The following FMN1 variants were observed in gnomAD, a reference collection of about 807,000 sequenced individuals.
FMN1 encodes formin 1, also known as formin-1.
In FMN1, 110 loss-of-function variants were observed where a neutral mutation model predicts 132.4. The observed-to-expected ratio is 0.83, with a 90% CI of 0.71 to 0.97. FMN1 has a LOEUF of 0.97. FMN1 is among the 50% of genes least tolerant of loss of function. FMN1 has a pLI of 0.00. For missense variants in FMN1, 1,792 were observed against 1,705.3 expected, an observed-to-expected ratio of 1.05 and a Z score of -0.90; for synonymous variants, 722 against 651.7, an observed-to-expected ratio of 1.11 and a Z score of -1.64.
At chr15:33,081,937 C>G (rs2038477481) in intron 5 of FMN1, among the ~76,000 whole-genome samples, 1 of 151,930 alleles carries the variant, frequency 6.6e-6, no homozygotes, top group East Asian at 1.9e-4. Flanking sequence ...TAAGCTAATT[C>G]AGTAAAAAGT....
At chr15:32,855,414 G>C (rs1050684103) in intron 17 of FMN1, among the ~76,000 whole-genome samples, 2 of 152,086 alleles carry the variant, frequency 1.3e-5, no homozygotes. Context: ...TCTCTGAATA[G>C]ACCAGAATTG....
In FMN1 at chr15:33,073,732, GT is replaced by G. The variant is rs763275526; in HGVS notation, c.2044-8659del. 3.2e-3 allele frequency among the ~76,000 whole-genome samples: 354 copies of G among 109,814 alleles called. 1 individual carries two copies. Among genetic ancestry groups the G allele is most frequent in the African/African-American group, 4.6e-3 (145 of 31,650 alleles). 72.0% of individuals were successfully genotyped at this position (109,814 alleles called of 152,430 possible). A position where few individuals can be genotyped will look rare whatever the true frequency, so the allele number is the denominator to read the frequency against. On this transcript the variant is annotated intron_variant, in intron 5 of 20. Coordinates refer to ENST00000616417, the MANE Select transcript of FMN1 (RefSeq NM_001277313.2). ...GAAATAGTAGAAATTTACCTAGCTT[GT>G]TTTTTTTTTTTTTTTGAGACAGGGT...
intron 19 of FMN1, among the ~76,000 whole-genome samples, chr15:32,795,211 T>C (rs111553052): frequency 5.9e-4 from 90 of 152,140 alleles, no homozygotes; most frequent in African/African-American, 2.1e-3. Flanking sequence ...AGGCCAACAT[T>C]AGTATTTTAT....
intron 9 of FMN1, among the ~76,000 whole-genome samples, chr15:32,931,360 T>A (rs918509207): frequency 2.0e-5 from 3 of 152,198 alleles, no homozygotes; most frequent in East Asian, 1.9e-4. Context: ...TCTTCCTAAA[T>A]TTTTTTAAGC....
chr15:33,005,954 GTGAAAT>G (rs1021836007), intron 7 of FMN1, among the ~76,000 whole-genome samples: 36 of 152,124 alleles, frequency 2.4e-4, no homozygotes, highest in African/African-American at 8.7e-4. Context: ...TTGTTTCTTT[GTGAAAT>G]TGACTCATTT....
intron 4 of FMN1, among the ~76,000 whole-genome samples, chr15:33,108,242 A>T (rs931716031): frequency 3.3e-5 from 5 of 152,040 alleles, no homozygotes; most frequent in Admixed American, 3.3e-4. Flanking sequence ...AACTAGAAAA[A>T]AGAAAAGATA....
chr15:32,967,120 T>C (rs1457243164), intron 8 of FMN1, among the ~76,000 whole-genome samples: 1 of 152,228 alleles, frequency 6.6e-6, no homozygotes, highest in East Asian at 1.9e-4. Flanking sequence ...GCCCTAGATT[T>C]ATGATGAAAC....
At chr15:32,867,228 C>T (rs976799076) in intron 16 of FMN1, among the ~76,000 whole-genome samples, 7 of 152,180 alleles carry the variant, frequency 4.6e-5, no homozygotes, top group Non-Finnish European at 1.5e-5. Context: ...TCTCATTATG[C>T]CAGTCCCCTG....
chr15:33,006,704 T>C (rs1388323621), intron 7 of FMN1, among the ~76,000 whole-genome samples: 2 of 152,106 alleles, frequency 1.3e-5, no homozygotes, highest in Non-Finnish European at 2.9e-5. Context: ...AATACTCTAG[T>C]CTTTAAAAAG....
chr15:32,882,516 T>C (rs527371732), intron 16 of FMN1, among the ~76,000 whole-genome samples: 1 of 152,324 alleles, frequency 6.6e-6, no homozygotes, highest in African/African-American at 2.4e-5. Context: ...CTGTCTACAC[T>C]GGTAGGGAGG....
chr15:32,954,082 C>T (rs1308667620), intron 9 of FMN1, among the ~76,000 whole-genome samples: 1 of 152,196 alleles, frequency 6.6e-6, no homozygotes, highest in Non-Finnish European at 1.5e-5. Context: ...ACAACAACTA[C>T]AACAACTAAT....
At chr15:32,893,421 G>A (rs1489779595) in intron 15 of FMN1, among the ~76,000 whole-genome samples, 1 of 152,262 alleles carries the variant, frequency 6.6e-6, no homozygotes, top group Non-Finnish European at 1.5e-5. Context: ...AAATGTTGCT[G>A]AGTGTATCAG....
intron 4 of FMN1, among the ~76,000 whole-genome samples, chr15:33,141,583 G>A (rs1964012461): frequency 2.0e-5 from 3 of 152,278 alleles, no homozygotes. Flanking sequence ...ATGCAATTTT[G>A]ACAGAGGCCT....
intron 16 of FMN1, among the ~76,000 whole-genome samples, chr15:32,861,199 T>C (rs912045731): frequency 1.1e-4 from 17 of 152,258 alleles, no homozygotes; most frequent in African/African-American, 4.1e-4. Context: ...AATTTACTAA[T>C]AGGATATAAT....
intron 10 of FMN1, among the ~76,000 whole-genome samples, chr15:32,920,692 T>C (rs1239731926): frequency 3.9e-5 from 6 of 152,222 alleles, no homozygotes; most frequent in Non-Finnish European, 8.8e-5. Context: ...CGTCTGCACC[T>C]GTGTTTTCAG....
intron 4 of FMN1, among the ~76,000 whole-genome samples, chr15:33,095,657 G>C (rs1027970573): frequency 3.3e-5 from 5 of 152,022 alleles, no homozygotes; most frequent in Non-Finnish European, 7.4e-5. Flanking sequence ...ACAGGCATAA[G>C]TCATTGTGCC....
intron 17 of FMN1, among the ~76,000 whole-genome samples, chr15:32,856,120 T>C (rs570317863): frequency 2.8e-4 from 42 of 152,330 alleles, no homozygotes; most frequent in African/African-American, 1.0e-3. Context: ...ATTCTCAAGC[T>C]GGTTTGGCCA....
chr15:32,859,319 G>T (rs1185395531), intron 16 of FMN1, among the ~76,000 whole-genome samples: 1 of 152,166 alleles, frequency 6.6e-6, no homozygotes, highest in East Asian at 1.9e-4. Context: ...CGGGGACTTG[G>T]ATTATTTAAG....
chr15:33,052,544 ACAATT>A lies in FMN1; in HGVS notation c.2161+12408_2161+12412del, dbSNP rs375986535. On this transcript the variant is annotated intron_variant, in intron 6 of 20. Coordinates refer to ENST00000616417, the MANE Select transcript of FMN1 (RefSeq NM_001277313.2). ...TTCTCTGATGTCAACTGGGTGTCCT[ACAATT>A]CAATTCAATTCAATTCAATTCTGAC... is the stretch of plus-strand genomic sequence containing the variant. Among the ~76,000 whole-genome samples, 253 of 152,284 alleles carry A rather than the reference ACAATT, an allele frequency of 1.7e-3. 1 individual carries two copies. Among genetic ancestry groups the A allele is most frequent in the African/African-American group, 4.8e-3 (198 of 41,548 alleles).
Sources: gnomAD v4.1 joint callset for allele counts (sites outside exome capture counted in the v4.1 genomes callset) on GRCh38, gnomAD v4.1.1 for gene constraint, MANE v1.5 for transcripts, NCBI Gene and HGNC (gene_info 2026-07-23, HGNC 2026-07-21) for gene names.